NEK11: variants seen among roughly 807,000 people sequenced by gnomAD.
NEK11 encodes serine/threonine-protein kinase Nek11.
A neutral mutation model predicts 80.7 loss-of-function variants in NEK11; 72 were observed. The observed-to-expected ratio is 0.89, with a 90% CI of 0.74 to 1.08. NEK11 has a LOEUF of 1.08. Ranked by LOEUF, NEK11 falls within the 50% of genes least tolerant of loss-of-function variation. NEK11 has a pLI of 0.00. For missense variants in NEK11, 764 were observed against 763.6 expected, an observed-to-expected ratio of 1.00 and a Z score of -0.01; for synonymous variants, 251 against 260.7, an observed-to-expected ratio of 0.96 and a Z score of 0.36.
chr3:131,127,634 A>G (rs149267790), intron 5 of NEK11, among the ~76,000 whole-genome samples: 176 of 152,110 alleles, frequency 1.2e-3, no homozygotes, highest in African/African-American at 4.1e-3. Context: ...ATTTATTTCT[A>G]TATCTCTTTT....
intron 4 of NEK11, 29 bp downstream of exon 4, chr3:131,080,617 T>C: frequency 6.3e-7 from 1 of 1,576,680 alleles, no homozygotes; most frequent in Non-Finnish European, 8.6e-7. Flanking sequence ...CTTGGAAGTC[T>C]TTATAAAAAC....
chr3:131,162,863 C>T (rs769172788), intron 11 of NEK11, among the ~76,000 whole-genome samples: 1 of 152,128 alleles, frequency 6.6e-6, no homozygotes, highest in African/African-American at 2.4e-5. Context: ...CTGTTTCACC[C>T]GGATTCCCTA....
chr3:131,338,483 C>A (rs1028398051), intron 17 of NEK11, among the ~76,000 whole-genome samples: 1 of 151,976 alleles, frequency 6.6e-6, no homozygotes, highest in African/African-American at 2.4e-5. Flanking sequence ...CCAGAAATTC[C>A]ACTCCTAGGT....
chr3:131,153,461 T>TA lies in NEK11; in HGVS notation c.876+754dup, dbSNP rs548305639. Among the ~76,000 whole-genome samples, 448 of 152,324 alleles carry TA rather than the reference T, an allele frequency of 2.9e-3. 1 individual carries two copies. Among genetic ancestry groups the TA allele is most frequent in the Middle Eastern group, 6.8e-3 (2 of 294 alleles). ...GACATAGAGGCTGTGTCTCAGGTAT[T>TA]AAGAAAGCAGAAAATGGTCCCCTCT... On this transcript the variant is annotated intron_variant, in intron 9 of 17. Coordinates refer to ENST00000383366, the MANE Select transcript of NEK11 (RefSeq NM_024800.5).
intron 10 of NEK11, among the ~76,000 whole-genome samples, 173 bp from the exon 11 acceptor site, chr3:131,162,235 T>C (rs1350605335): frequency 6.6e-6 from 1 of 152,244 alleles, no homozygotes. Flanking sequence ...TGTTGCTTAT[T>C]AACTACAGTC....
intron 3 of NEK11, among the ~76,000 whole-genome samples, chr3:131,074,899 C>A (rs1394313437): frequency 2.6e-5 from 4 of 152,184 alleles, no homozygotes; most frequent in South Asian, 2.1e-4. Flanking sequence ...GGACTGAGCT[C>A]TCTTGGAGGG....
At chr3:131,078,547 C>T (rs1022150271) in intron 3 of NEK11, among the ~76,000 whole-genome samples, 2 of 152,078 alleles carry the variant, frequency 1.3e-5, no homozygotes, top group Non-Finnish European at 1.5e-5. Flanking sequence ...AATATCAAAA[C>T]TTCTAGACCC....
intron 9 of NEK11, among the ~76,000 whole-genome samples, chr3:131,154,692 T>G (rs1364970928): frequency 1.3e-5 from 2 of 152,198 alleles, no homozygotes; most frequent in African/African-American, 2.4e-5. Flanking sequence ...AACCTTGCAC[T>G]GGCCCTGGGA....
chr3:131,140,047 A>C (rs1402593780), intron 7 of NEK11, among the ~76,000 whole-genome samples: 4 of 152,088 alleles, frequency 2.6e-5, no homozygotes, highest in Non-Finnish European at 5.9e-5. Context: ...ATAACATATC[A>C]CTTCTCACAT....
intron 3 of NEK11, among the ~76,000 whole-genome samples, chr3:131,068,523 C>T (rs1011960529): frequency 6.6e-6 from 1 of 152,252 alleles, no homozygotes; most frequent in Middle Eastern, 3.4e-3. Flanking sequence ...AAACAAAACT[C>T]ATAGAAAACC....
chr3:131,316,803 T>TGAA (rs1387331304), intron 17 of NEK11, among the ~76,000 whole-genome samples: 1 of 152,170 alleles, frequency 6.6e-6, no homozygotes, highest in African/African-American at 2.4e-5. Flanking sequence ...GCGAGTTTTT[T>TGAA]GAAGTTAGCA....
intron 9 of NEK11, among the ~76,000 whole-genome samples, chr3:131,154,605 A>G (rs868860728): frequency 6.6e-6 from 1 of 152,192 alleles, no homozygotes. Context: ...AATAATGTTC[A>G]TTAAAATTAT....
In NEK11 at chr3:131,122,813, GCC is replaced by G. The variant is rs200152739; in HGVS notation, c.456-9930_456-9929del. Among the ~76,000 whole-genome samples, 1,400 of 152,304 alleles carry G rather than the reference GCC, an allele frequency of 9.2e-3. 14 individuals carry two copies. The highest frequency in any genetic ancestry group is 0.026 in the African/African-American group (1,094 of 41,560). On this transcript the variant is annotated intron_variant, in intron 5 of 17. Coordinates refer to ENST00000383366, the MANE Select transcript of NEK11 (RefSeq NM_024800.5). ...CAGACTGTTCTTCATCCTAGCATGGGCCCTGGATGCTGGGGAAGAATGACCTG... is the reference window on the plus strand; with the variant it reads ...CAGACTGTTCTTCATCCTAGCATGGGCTGGATGCTGGGGAAGAATGACCTG...
chr3:131,273,453 A>G (rs1478995262), intron 16 of NEK11, 25 bp from the exon 17 acceptor site: 4 of 1,589,414 alleles, frequency 2.5e-6, no homozygotes, highest in South Asian at 1.1e-5. Flanking sequence ...GATGAAGTCA[A>G]TAAGGGCTGT....
intron 7 of NEK11, among the ~76,000 whole-genome samples, chr3:131,139,257 C>G (rs1408832861): frequency 6.7e-6 from 1 of 150,022 alleles, no homozygotes; most frequent in Non-Finnish European, 1.5e-5. Flanking sequence ...GCATCAGAGT[C>G]TCTTAATAGC....
At chr3:131,049,916 C>T (rs1401815125) in intron 3 of NEK11, among the ~76,000 whole-genome samples, 1 of 147,472 alleles carries the variant, frequency 6.8e-6, no homozygotes, top group Non-Finnish European at 1.5e-5. Flanking sequence ...ACACTAACGT[C>T]AAGGAAATTT....
chr3:131,323,920 A>G (rs952288710), intron 17 of NEK11, among the ~76,000 whole-genome samples: 3 of 152,214 alleles, frequency 2.0e-5, no homozygotes, highest in African/African-American at 7.2e-5. Flanking sequence ...TGTGTCAGGC[A>G]TGCACTGGGA....
At chr3:131,330,008 A>G (rs1397495959) in intron 17 of NEK11, 1 of 152,270 alleles carries the variant, frequency 6.6e-6, no homozygotes, top group Admixed American at 6.5e-5. Flanking sequence ...TAGTGAGGGT[A>G]GAAGCAGGAA....
intron 13 of NEK11, among the ~76,000 whole-genome samples, 164 bp downstream of exon 13, chr3:131,169,101 A>G (rs2092494740): frequency 6.6e-6 from 1 of 151,426 alleles, no homozygotes; most frequent in Admixed American, 6.6e-5. Flanking sequence ...TGAAATAAAT[A>G]TAGGAAAGAA....
Sources: gnomAD v4.1 joint callset for allele counts (sites outside exome capture counted in the v4.1 genomes callset) on GRCh38, gnomAD v4.1.1 for gene constraint, MANE v1.5 for transcripts, NCBI Gene and HGNC (gene_info 2026-07-23, HGNC 2026-07-21) for gene names.